The following CDH3 variants were observed in gnomAD, a reference collection of about 807,000 sequenced individuals.
CDH3 encodes the protein cadherin 3, also known as cadherin-3.
In CDH3, 54 loss-of-function variants were observed where a neutral mutation model predicts 82.0. The observed-to-expected ratio is 0.66, with a 90% confidence interval of 0.53 to 0.83. CDH3 has a LOEUF of 0.83. Among genes scored for constraint, CDH3 ranks in the 40% least tolerant of loss-of-function variants. The pLI, the probability that CDH3 is intolerant of heterozygous loss-of-function variation, is 0.00. For missense variants in CDH3, 1,054 were observed against 1,084.6 expected, an observed-to-expected ratio of 0.97 and a Z score of 0.40; for synonymous variants, 446 against 437.9, an observed-to-expected ratio of 1.02 and a Z score of -0.23.
At chr16:68,687,113 C>T (rs2152103535) in intron 11 of CDH3, among the ~76,000 whole-genome samples, 1 of 152,286 alleles carries the variant, frequency 6.6e-6, no homozygotes, top group South Asian at 2.1e-4. Context: ...GATGCCACAC[C>T]ATAACAGATG....
chr16:68,710,737 A>G (rs999528296), intron 1 of CDH3, among the ~76,000 whole-genome samples: 2 of 151,312 alleles, frequency 1.3e-5, no homozygotes, highest in Non-Finnish European at 1.5e-5. Context: ...CCAGCTACTC[A>G]GGAGGCCGGG....
chr16:68,716,233 C>T (rs1309475564), intron 1 of CDH3, among the ~76,000 whole-genome samples: 1 of 150,232 alleles, frequency 6.7e-6, no homozygotes, highest in Non-Finnish European at 1.5e-5. Flanking sequence ...AAAAAAAAGA[C>T]TAAGCACTGG....
At chr16:68,714,638 G>A (rs1287556451) in intron 1 of CDH3, among the ~76,000 whole-genome samples, 5 of 152,138 alleles carry the variant, frequency 3.3e-5, no homozygotes, top group Non-Finnish European at 5.9e-5. Context: ...CTCGCCCACC[G>A]AAGGTCCCTG....
Position 68,687,723 on chromosome 16 carries a change from G to A in CDH3, c.1782G>A (p.Glu594=), listed in dbSNP as rs753483490. 2.5e-6 allele frequency: 4 copies of A among 1,613,716 alleles called. No homozygotes were observed. The highest frequency in any genetic ancestry group is 3.4e-6 in the Non-Finnish European group (4 of 1,179,736). ...ACTCAGACATCTACTGGACGGCAGA[G>A]GTCAACGAGGAAGGTACCTGAGTGA... is the stretch of plus-strand genomic sequence containing the variant. ...TDDSDIYWTA[E]VNEEGDTVVL... Residue 594 remains glutamate, a synonymous_variant, in exon 12 of 16, where the codon GAG becomes GAA. Transcript: ENST00000264012.
intron 11 of CDH3, 109 bp downstream of exon 11, chr16:68,685,459 T>C: frequency 1.6e-6 from 2 of 1,236,002 alleles, no homozygotes; most frequent in Non-Finnish European, 2.3e-6. Context: ...CGAGGAGGGC[T>C]ATTTGCAAAC....
At chr16:68,713,068 G>T (rs956267677) in intron 1 of CDH3, among the ~76,000 whole-genome samples, 3 of 151,734 alleles carry the variant, frequency 2.0e-5, no homozygotes, top group Non-Finnish European at 4.4e-5. Context: ...TGATCTCCCC[G>T]CCCTTCTGTC....
At chr16:68,719,254 G>GAAAAAAAAAAA (rs71148938) in intron 1 of CDH3, among the ~76,000 whole-genome samples, 2 of 143,582 alleles carry the variant, frequency 1.4e-5, no homozygotes, top group Non-Finnish European at 1.5e-5. Context: ...CAAAAAAAAA[G>GAAAAAAAAAAA]AAAAAAAAAA....
Position 68,687,687 on chromosome 16 carries a change from G to C in CDH3, c.1746G>C (p.Gln582His). 6.2e-7 allele frequency: 1 copy of C among 1,614,062 alleles called. No individual in the cohort carries two copies. The highest frequency in any genetic ancestry group is 2.2e-5 in the East Asian group (1 of 44,848). The change falls in exon 12 of 16, where the codon CAG (glutamine) becomes CAC (histidine). Residue 582 changes from glutamine (Q) to histidine (H), a missense_variant. Transcript: ENST00000264012. ...LSPHTSPFQA[Q>H]LTDDSDIYWT... is the part of the protein sequence containing the mutation. The stretch of plus-strand genomic sequence containing the variant: ...CCCACACCTCCCCTTTCCAGGCCCA[G>C]CTCACAGATGACTCAGACATCTACT...
At chr16:68,685,129 G>C (rs1283640316) in intron 10 of CDH3, 76 bp from the exon 11 acceptor site, 2 of 1,537,414 alleles carry the variant, frequency 1.3e-6, no homozygotes, top group African/African-American at 2.7e-5. Flanking sequence ...CTGCCAGTTG[G>C]TATGAGGAGG....
intron 2 of CDH3, among the ~76,000 whole-genome samples, chr16:68,664,247 A>G (rs952207534): frequency 1.3e-5 from 2 of 152,182 alleles, no homozygotes; most frequent in African/African-American, 2.4e-5. Flanking sequence ...AAGTTTTGAC[A>G]TACTGATTTC....
chr16:68,685,938 G>C (rs1961399344), intron 11 of CDH3, among the ~76,000 whole-genome samples: 1 of 152,224 alleles, frequency 6.6e-6, no homozygotes, highest in South Asian at 2.1e-4. Context: ...GGCCTAGGCA[G>C]GAGGATCACT....
chr16:68,687,776 C>G, intron 12 of CDH3, 40 bp downstream of exon 12: 1 of 1,458,378 alleles, frequency 6.9e-7, no homozygotes, highest in South Asian at 1.1e-5. Context: ...GGTGCCAGCC[C>G]CACTGGTGGG....
chr16:68,686,353 A>G, intron 11 of CDH3: 2 of 1,024,772 alleles, frequency 2.0e-6, no homozygotes, highest in Admixed American at 1.8e-5. Context: ...ACAAGAGCAG[A>G]GTACGAGTCT....
intron 2 of CDH3, among the ~76,000 whole-genome samples, chr16:68,652,654 C>G (rs1960281324): frequency 6.6e-6 from 1 of 152,150 alleles, no homozygotes; most frequent in Non-Finnish European, 1.5e-5. Flanking sequence ...CTTAAAACCC[C>G]TGTGTTTCTG....
intron 11 of CDH3, among the ~76,000 whole-genome samples, chr16:68,685,858 TC>T (rs1241470444): frequency 1.3e-5 from 2 of 152,044 alleles, no homozygotes; most frequent in South Asian, 2.1e-4. Flanking sequence ...GATTCCAATT[TC>T]CCTAAAACCC....
chr16:68,656,411 CAGGGCTGGCAAGGA>C (rs928903652), intron 2 of CDH3, among the ~76,000 whole-genome samples: 1 of 152,166 alleles, frequency 6.6e-6, no homozygotes, highest in African/African-American at 2.4e-5. Flanking sequence ...ACCCAGGCAG[CAGGGCTGGCAAGGA>C]AGGGCTGTGA....
At chr16:68,710,163 G>A (rs1017593291) in intron 1 of CDH3, among the ~76,000 whole-genome samples, 3 of 152,210 alleles carry the variant, frequency 2.0e-5, no homozygotes, top group African/African-American at 4.8e-5. Flanking sequence ...CCTCCCTGCC[G>A]GGCTGGGTTT....
intron 12 of CDH3, among the ~76,000 whole-genome samples, chr16:68,689,596 C>T (rs1218010818): frequency 6.6e-6 from 1 of 151,614 alleles, no homozygotes; most frequent in African/African-American, 2.4e-5. Context: ...CCACTGCCAT[C>T]GTCATCAACA....
At chr16:68,731,389 AAAAAAAATATAT>A (rs1404112920), downstream of CDH3, among the ~76,000 whole-genome samples, 1 of 8,264 alleles carries the variant, frequency 1.2e-4, no homozygotes, top group African/African-American at 6.0e-4. Flanking sequence ...AAAAAAAAAA[AAAAAAAATATAT>A]ATATATATAT....
Sources: gnomAD v4.1 joint callset for allele counts (sites outside exome capture counted in the v4.1 genomes callset) on GRCh38, gnomAD v4.1.1 for gene constraint, MANE v1.5 for transcripts, NCBI Gene and HGNC (gene_info 2026-07-23, HGNC 2026-07-21) for gene names.